The following PATL2 variants were observed in gnomAD, a reference collection of about 807,000 sequenced individuals.
PATL2 encodes the protein PAT1 homolog 2, also known as protein PAT1 homolog 2.
In PATL2, 73 loss-of-function variants were observed where a neutral mutation model predicts 77.0. The ratio of observed to expected loss-of-function variants is 0.95; its 90% CI spans 0.78 to 1.15. The LOEUF (loss-of-function observed/expected upper bound fraction) is 1.15, where lower values mean the gene tolerates loss of function less well. PATL2 is among the 50% of genes most tolerant of loss of function. PATL2 has a pLI of 0.00. For synonymous variants in PATL2, 265 were observed against 257.1 expected (o/e 1.03, Z -0.29); for missense variants, 618 against 655.4 (o/e 0.94, Z 0.62).
intron 9 of PATL2, among the ~76,000 whole-genome samples, chr15:44,671,806 ATAATCT>A (rs2085693367): frequency 6.6e-6 from 1 of 152,360 alleles, no homozygotes; most frequent in East Asian, 1.9e-4. Context: ...GGAACTGGAA[ATAATCT>A]TAGTTGGCTG....
chr15:44,684,655 C>G (rs748972678), intron 3 of PATL2, among the ~76,000 whole-genome samples: 13 of 152,016 alleles, frequency 8.6e-5, no homozygotes, highest in Non-Finnish European at 1.6e-4. Flanking sequence ...AGAATGGAAA[C>G]AAGCTGGAAA....
intron 3 of PATL2, among the ~76,000 whole-genome samples, chr15:44,696,011 A>G (rs1369396139): frequency 6.6e-6 from 1 of 152,242 alleles, no homozygotes; most frequent in African/African-American, 2.4e-5. Context: ...CAGCTCCACA[A>G]GCTGGAAAGT....
chr15:44,689,969 C>T (rs1474542348), intron 3 of PATL2, among the ~76,000 whole-genome samples: 1 of 152,144 alleles, frequency 6.6e-6, no homozygotes, highest in East Asian at 1.9e-4. Flanking sequence ...GTGGGCGGAT[C>T]ACCTGAGGTC....
At chr15:44,682,599 C>T (rs1566861477) in intron 3 of PATL2, among the ~76,000 whole-genome samples, 1 of 152,202 alleles carries the variant, frequency 6.6e-6, no homozygotes, top group Non-Finnish European at 1.5e-5. Context: ...TGTCCTACTC[C>T]AGCTCACTCC....
rs758504938 is a variant in PATL2, at chr15:44,673,243, A to AG, written c.437dup (p.Arg147Ter). Reference sequence around the variant, plus strand: ...GAACCTCAAACCAGTACCTGAACCTAGGGGGCCACGAGGTCAGCAGGCTGC... The same window carrying AG: ...GAACCTCAAACCAGTACCTGAACCTAGGGGGGCCACGAGGTCAGCAGGCTGC... On this transcript the variant is annotated frameshift_variant, in exon 7 of 18. Transcript: ENST00000682850. LOFTEE classifies it high-confidence loss of function. The AG allele has an allele frequency of 2.7e-5, 42 of 1,551,364 alleles. 1 individual carries two copies. Among genetic ancestry groups the AG allele is most frequent in the Non-Finnish European group, 3.2e-5 (37 of 1,146,916 alleles).
chr15:44,669,227 G>A, intron 13 of PATL2, 53 bp downstream of exon 13: 1 of 1,532,856 alleles, frequency 6.5e-7, no homozygotes, highest in Non-Finnish European at 8.8e-7. Context: ...CAAGACCAGT[G>A]TCTTTGCTGC....
At chr15:44,667,027 C>A in intron 16 of PATL2, 79 bp downstream of exon 16, 1 of 1,148,212 alleles carries the variant, frequency 8.7e-7, no homozygotes, top group South Asian at 1.4e-5. Context: ...TTGAAAATGC[C>A]TCAGGAAATA....
chr15:44,667,461 A>G (rs766906968), intron 15 of PATL2, among the ~76,000 whole-genome samples: 4 of 152,170 alleles, frequency 2.6e-5, no homozygotes, highest in Non-Finnish European at 5.9e-5. Flanking sequence ...CTTAACTCCT[A>G]GGAGTAGGAG....
At chr15:44,666,767 C>T (rs2085392767) in intron 16 of PATL2, 2 of 535,204 alleles carry the variant, frequency 3.7e-6, no homozygotes, top group Non-Finnish European at 6.5e-6. Flanking sequence ...ATACCATCAT[C>T]CCTAGTTTGT....
intron 3 of PATL2, among the ~76,000 whole-genome samples, chr15:44,691,213 CA>C (rs1228567240): frequency 6.6e-6 from 1 of 152,010 alleles, no homozygotes; most frequent in Non-Finnish European, 1.5e-5. Flanking sequence ...CACATATAGA[CA>C]GAGAAAAGTT....
chr15:44,687,130 T>C (rs1431248756), intron 3 of PATL2, among the ~76,000 whole-genome samples: 1 of 152,214 alleles, frequency 6.6e-6, no homozygotes, highest in African/African-American at 2.4e-5. Flanking sequence ...TCAATATCCC[T>C]GATGAACATT....
At chr15:44,695,074 G>A (rs1239589632) in intron 3 of PATL2, among the ~76,000 whole-genome samples, 11 of 152,046 alleles carry the variant, frequency 7.2e-5, no homozygotes, top group African/African-American at 2.7e-4. Flanking sequence ...TGTAGTCCCA[G>A]CTACTCAGGA....
chr15:44,666,496 A>G lies in PATL2; in HGVS notation c.1509T>C (p.Pro503=). 1.9e-6 allele frequency: 3 copies of G among 1,551,600 alleles called. No homozygotes were observed. The South Asian group carries it at 3.6e-5, about 18-fold the overall frequency. Reference sequence around the variant, plus strand: ...CTAGGGGTTCTGCCAGAGAGGCTGTAGGCATTTGGGCTATCTCCCAGGCAA... The same window carrying G: ...CTAGGGGTTCTGCCAGAGAGGCTGTGGGCATTTGGGCTATCTCCCAGGCAA... ...VLIAWEIAQM[P]TASLAEPLAF... The change falls in exon 17 of 18, where the codon CCT becomes CCC. Residue 503 remains proline (P), a synonymous_variant. Coordinates refer to ENST00000682850, the MANE Select transcript of PATL2 (RefSeq NM_001387263.1).
intron 3 of PATL2, among the ~76,000 whole-genome samples, chr15:44,705,603 C>T (rs1229483234): frequency 6.6e-6 from 1 of 152,126 alleles, no homozygotes; most frequent in African/African-American, 2.4e-5. Context: ...TGCCTGTCTT[C>T]AAGCTCACTA....
At position 44,669,361 on chromosome 15, in the gene PATL2, G is replaced by A. The variant is rs937496181; in HGVS notation, c.983C>T (p.Pro328Leu). 1.2e-5 allele frequency: 19 copies of A among 1,551,626 alleles called. No individual in the cohort carries two copies. Among genetic ancestry groups the A allele is most frequent in the African/African-American group, 6.8e-5 (5 of 73,154 alleles). Reference sequence around the variant, plus strand: ...GCTTTGCTGCTCAGAAAAGCAGGGCGGTGGAGGCCTATACTTCCAGCCTTC... The same window carrying A: ...GCTTTGCTGCTCAGAAAAGCAGGGCAGTGGAGGCCTATACTTCCAGCCTTC... ...IEEGWKYRPP[P>L]PCFSEQQSNQ... is the part of the protein sequence containing the mutation. Residue 328 changes from proline to leucine, a missense_variant, in exon 13 of 18, where the codon CCG (proline) becomes CTG (leucine). Pro to Leu is a moderately conservative substitution (Grantham distance 98, BLOSUM62 -3). Coordinates refer to ENST00000682850, the MANE Select transcript of PATL2 (RefSeq NM_001387263.1).
intron 7 of PATL2, 35 bp from the exon 8 acceptor site, chr15:44,672,491 G>T: frequency 3.3e-6 from 5 of 1,527,842 alleles, no homozygotes; most frequent in South Asian, 1.2e-5. Flanking sequence ...TGGGTGGAAG[G>T]AAGCTCTCAG....
chr15:44,684,255 T>C (rs1031656435), intron 3 of PATL2, among the ~76,000 whole-genome samples: 1 of 152,120 alleles, frequency 6.6e-6, no homozygotes, highest in African/African-American at 2.4e-5. Flanking sequence ...GTTTGATGAA[T>C]TGACAGAAGA....
At chr15:44,677,239 C>T (rs1293666196) in intron 3 of PATL2, among the ~76,000 whole-genome samples, 2 of 152,080 alleles carry the variant, frequency 1.3e-5, no homozygotes, top group East Asian at 1.9e-4. Flanking sequence ...ATAGGAAAGT[C>T]CTGGGTAGAT....
At chr15:44,702,147 C>A (rs1267529168) in intron 3 of PATL2, among the ~76,000 whole-genome samples, 1 of 151,736 alleles carries the variant, frequency 6.6e-6, no homozygotes, top group Non-Finnish European at 1.5e-5. Context: ...GACATAGAGT[C>A]CTGGGCTTTC....
Sources: gnomAD v4.1 joint callset for allele counts (sites outside exome capture counted in the v4.1 genomes callset) on GRCh38, gnomAD v4.1.1 for gene constraint, MANE v1.5 for transcripts, NCBI Gene and HGNC (gene_info 2026-07-23, HGNC 2026-07-21) for gene names.